The following RXFP1 variants were observed in gnomAD, a reference collection of about 807,000 sequenced individuals.
RXFP1 encodes the protein relaxin receptor 1.
In RXFP1, 73 loss-of-function variants were observed where a neutral mutation model predicts 89.8. That is an observed-to-expected ratio of 0.81 (90% CI 0.67 to 0.99). The LOEUF is 0.99. RXFP1 is among the 50% of genes least tolerant of loss of function. RXFP1 has a pLI of 0.00. For missense variants in RXFP1, 793 were observed against 895.5 expected, an observed-to-expected ratio of 0.89 and a Z score of 1.46; for synonymous variants, 277 against 305.5, an observed-to-expected ratio of 0.91 and a Z score of 0.97.
intron 1 of RXFP1, among the ~76,000 whole-genome samples, chr4:158,528,691 G>A (rs1743222051): frequency 6.6e-6 from 1 of 152,222 alleles, no homozygotes; most frequent in Admixed American, 6.5e-5. Context: ...CCTCTAAGGT[G>A]AGAGAGGCTT....
chr4:158,649,299 A>C (rs1371856724), intron 17 of RXFP1, among the ~76,000 whole-genome samples: 1 of 152,262 alleles, frequency 6.6e-6, no homozygotes, highest in African/African-American at 2.4e-5. Flanking sequence ...CACATGCTTA[A>C]GGTGACTAGA....
intron 2 of RXFP1, among the ~76,000 whole-genome samples, chr4:158,583,418 T>G (rs1447174384): frequency 6.6e-6 from 1 of 152,238 alleles, no homozygotes; most frequent in Admixed American, 6.5e-5. Flanking sequence ...TTTGTCTTGT[T>G]TTCAAGTTAA....
intron 11 of RXFP1, among the ~76,000 whole-genome samples, chr4:158,630,033 A>G (rs762861539): frequency 7.2e-5 from 11 of 152,192 alleles, no homozygotes; most frequent in Non-Finnish European, 1.5e-4. Flanking sequence ...ATTAAAGAAT[A>G]CAATTAGAAT....
At chr4:158,564,478 G>A (rs189249044) in intron 1 of RXFP1, among the ~76,000 whole-genome samples, 43 of 152,330 alleles carry the variant, frequency 2.8e-4, no homozygotes, top group African/African-American at 1.0e-3. Context: ...TGGAAACTCA[G>A]TGCTGGAAAA....
rs56692438 is a variant in RXFP1 at position 158,623,502 on chromosome 4, C to CAAAAAA, written c.756-3299_756-3294dup. 3.2e-3 allele frequency among the ~76,000 whole-genome samples: 135 copies of CAAAAAA among 42,592 alleles called. 3 individuals carry two copies. The highest frequency in any genetic ancestry group is 3.7e-3 in the African/African-American group (53 of 14,378). The allele number at this position is 42,592 out of a possible 152,430, so 27.9% of individuals were successfully genotyped here. A position where few individuals can be genotyped will look rare whatever the true frequency, so the allele number is the denominator to read the frequency against. ...GGGCAACAAGAGTGAAACTCCATCT[C>CAAAAAA]AAAAAAAAAAAAAAAAAAAAAAAAG... On this transcript the variant is annotated intron_variant, in intron 9 of 17. Coordinates refer to ENST00000307765, the MANE Select transcript of RXFP1 (RefSeq NM_021634.4).
At chr4:158,600,551 C>T (rs1761488085) in intron 4 of RXFP1, among the ~76,000 whole-genome samples, 1 of 152,082 alleles carries the variant, frequency 6.6e-6, no homozygotes, top group African/African-American at 2.4e-5. Flanking sequence ...TAATAATTCC[C>T]CAAAAGAACC....
intron 1 of RXFP1, among the ~76,000 whole-genome samples, chr4:158,556,044 C>CT (rs1196323342): frequency 2.0e-5 from 3 of 152,050 alleles, no homozygotes; most frequent in African/African-American, 7.2e-5. Flanking sequence ...AATAACACCT[C>CT]TTAAATACAG....
chr4:158,621,944 A>C (rs2150164570), intron 9 of RXFP1, among the ~76,000 whole-genome samples: 1 of 152,340 alleles, frequency 6.6e-6, no homozygotes, highest in East Asian at 1.9e-4. Flanking sequence ...GCTAGAAAGG[A>C]ATTCTTGTGC....
intron 12 of RXFP1, among the ~76,000 whole-genome samples, chr4:158,635,206 A>G (rs1768913308): frequency 6.6e-6 from 1 of 152,104 alleles, no homozygotes; most frequent in Non-Finnish European, 1.5e-5. Context: ...TCTTTCAGCA[A>G]TGTTTCGCAG....
chr4:158,632,047 G>A (rs1329171914), intron 11 of RXFP1, among the ~76,000 whole-genome samples: 1 of 152,184 alleles, frequency 6.6e-6, no homozygotes, highest in Non-Finnish European at 1.5e-5. Context: ...AGCCGTTTGT[G>A]CCACTGCACT....
At chr4:158,620,861 C>A (rs961673111) in intron 9 of RXFP1, among the ~76,000 whole-genome samples, 1 of 152,204 alleles carries the variant, frequency 6.6e-6, no homozygotes, top group Admixed American at 6.5e-5. Flanking sequence ...TGGCTCACAC[C>A]TATAATCCCA....
At chr4:158,522,389 A>G (rs1052666837) in intron 1 of RXFP1, among the ~76,000 whole-genome samples, 1 of 152,226 alleles carries the variant, frequency 6.6e-6, no homozygotes, top group Non-Finnish European at 1.5e-5. Flanking sequence ...CATTTGTGCC[A>G]GTTTCTGTAT....
intron 1 of RXFP1, among the ~76,000 whole-genome samples, chr4:158,572,084 G>C (rs945772404): frequency 5.3e-5 from 8 of 152,118 alleles, no homozygotes; most frequent in Non-Finnish European, 1.0e-4. Context: ...ATCAATCACC[G>C]CCTCCTCAAG....
intron 8 of RXFP1, 101 bp downstream of exon 8, chr4:158,612,463 C>T: frequency 1.3e-6 from 1 of 771,438 alleles, no homozygotes. Context: ...TGTTAAAACC[C>T]CAAAGAGGCC....
intron 1 of RXFP1, among the ~76,000 whole-genome samples, chr4:158,547,091 G>T (rs1261005071): frequency 6.6e-6 from 1 of 152,014 alleles, no homozygotes; most frequent in Non-Finnish European, 1.5e-5. Flanking sequence ...GACTCTTTTT[G>T]GTTGGTAAGC....
At chr4:158,639,114 G>T (rs1769835664) in intron 13 of RXFP1, 146 bp from the exon 14 acceptor site, 1 of 535,460 alleles carries the variant, frequency 1.9e-6, no homozygotes, top group African/African-American at 1.9e-5. Context: ...AGGATTTGGG[G>T]AAGTGGGTGG....
At chr4:158,573,932 C>T (rs570160818) in intron 2 of RXFP1, among the ~76,000 whole-genome samples, 6 of 152,270 alleles carry the variant, frequency 3.9e-5, no homozygotes, top group African/African-American at 1.4e-4. Context: ...GTGAGTTCTT[C>T]TAAAAGAGAC....
At chr4:158,591,434 G>A (rs913087004) in intron 2 of RXFP1, among the ~76,000 whole-genome samples, 5 of 152,022 alleles carry the variant, frequency 3.3e-5, no homozygotes, top group Admixed American at 2.6e-4. Flanking sequence ...CCTTGTCCAC[G>A]AAGTTACTGA....
intron 1 of RXFP1, chr4:158,544,439 T>A: frequency 2.5e-6 from 2 of 785,690 alleles, no homozygotes; most frequent in Non-Finnish European, 3.1e-6. Context: ...CCTTCATCTT[T>A]TTTTTTTTAA....
Sources: allele counts gnomAD v4.1 joint callset (sites outside exome capture counted in the v4.1 genomes callset), GRCh38; gene constraint gnomAD v4.1.1; transcripts MANE v1.5; gene names NCBI Gene and HGNC (gene_info 2026-07-23, HGNC 2026-07-21).